ST6GALNAC5: variants seen among roughly 807,000 people sequenced by gnomAD.
ST6GALNAC5 encodes ST6 N-acetylgalactosaminide alpha-2,6-sialyltransferase 5, also known as alpha-N-acetylgalactosaminide alpha-2,6-sialyltransferase 5.
A neutral mutation model predicts 33.6 loss-of-function variants in ST6GALNAC5; 27 were observed. That is an observed-to-expected ratio of 0.80 (90% CI 0.59 to 1.11). ST6GALNAC5 has a LOEUF of 1.11. Ranked by LOEUF, ST6GALNAC5 falls within the 50% of genes least tolerant of loss-of-function variation. ST6GALNAC5 has a pLI of 0.00. For missense variants in ST6GALNAC5, 428 were observed against 454.0 expected (o/e 0.94, Z 0.52); for synonymous variants, 194 against 171.2 (o/e 1.13, Z -1.04).
chr1:76,899,526 C>T lies in ST6GALNAC5; in HGVS notation c.261+30784C>T, dbSNP rs577439294. 2.0e-5 allele frequency among the ~76,000 whole-genome samples: 3 copies of T among 152,228 alleles called. No homozygotes were observed. In the East Asian group the frequency reaches 5.8e-4, roughly 30 times the overall value. ...TCCCCCAGAAAAGCGGGACTTGCCG[C>T]TAAGGGTGAAGGACCAAGGCAGGCG... On this transcript the variant is annotated intron_variant, in intron 2 of 4. Coordinates refer to ENST00000477717, the MANE Select transcript of ST6GALNAC5 (RefSeq NM_030965.3).
rs553930712 is a variant in ST6GALNAC5 at position 76,868,688 on chromosome 1, G to T, written c.207G>T (p.Gly69=). Residue 69 remains glycine, a synonymous_variant, in exon 2 of 5, where the codon GGG becomes GGT. Coordinates refer to ENST00000477717, the MANE Select transcript of ST6GALNAC5 (RefSeq NM_030965.3). The surrounding 1 kb of genome is among the most constrained non-coding windows in gnomAD (Gnocchi z 4.3). The part of the protein sequence containing the change: ...AAESSTQQRP[G]VPAGPRPLDG... Reference sequence around the variant, plus strand: ...AGAGCAGCACCCAGCAGCGCCCCGGGGTCCCCGCGGGACCGCGGCCACTGG... The same window carrying T: ...AGAGCAGCACCCAGCAGCGCCCCGGTGTCCCCGCGGGACCGCGGCCACTGG... 6.4e-7 allele frequency: 1 copy of T among 1,551,132 alleles called. No homozygotes were observed. The highest frequency in any genetic ancestry group is 1.2e-5 in the South Asian group (1 of 85,062).
intron 2 of ST6GALNAC5, among the ~76,000 whole-genome samples, chr1:76,918,834 G>A (rs1187221424): frequency 1.3e-5 from 2 of 152,046 alleles, no homozygotes; most frequent in East Asian, 3.9e-4. Context: ...GGGGTTTATT[G>A]AAATAAAGTG....
chr1:76,998,929 A>G (rs868399514), intron 2 of ST6GALNAC5, among the ~76,000 whole-genome samples: 15 of 152,300 alleles, frequency 9.8e-5, no homozygotes, highest in African/African-American at 3.6e-4. Flanking sequence ...TCATACCTGG[A>G]ATAGAAATTA....
intron 2 of ST6GALNAC5, among the ~76,000 whole-genome samples, chr1:77,038,039 G>T (rs956657858): frequency 1.3e-5 from 2 of 152,200 alleles, no homozygotes; most frequent in African/African-American, 2.4e-5. Flanking sequence ...AAGCAACTTT[G>T]CTTCAAATTA....
intron 2 of ST6GALNAC5, among the ~76,000 whole-genome samples, chr1:77,017,509 C>A (rs894447032): frequency 6.6e-6 from 1 of 152,180 alleles, no homozygotes; most frequent in Non-Finnish European, 1.5e-5. Context: ...CTCCGCTCTG[C>A]ATGACTGTCA....
intron 2 of ST6GALNAC5, among the ~76,000 whole-genome samples, chr1:76,999,760 G>C (rs894212032): frequency 1.4e-5 from 2 of 146,028 alleles, no homozygotes; most frequent in Non-Finnish European, 3.0e-5. Context: ...TTGTTCTTGC[G>C]ATAGTTTACT....
chr1:76,940,478 C>T (rs920292276), intron 2 of ST6GALNAC5, among the ~76,000 whole-genome samples: 1 of 152,046 alleles, frequency 6.6e-6, no homozygotes, highest in Non-Finnish European at 1.5e-5. Context: ...CAAGCACATA[C>T]ATGTTAGTGT....
At position 77,044,490 on chromosome 1, in the gene ST6GALNAC5, G is replaced by T; in HGVS notation, c.548G>T (p.Gly183Val). The change falls in exon 3 of 5, where the codon GGC becomes GTC. Residue 183 changes from glycine to valine, a missense_variant. Gly to Val is a moderately radical substitution (Grantham distance 109). Coordinates refer to ENST00000477717, the MANE Select transcript of ST6GALNAC5 (RefSeq NM_030965.3). ...AGCTACATGCGGCGGGACGGCAAGG[G>T]CCAGGTCTACAACAACCTGCATCTC... Reference protein sequence around the residue: ...PSSYMRRDGKGQVYNNLHLLS... With the variant: ...PSSYMRRDGKVQVYNNLHLLS... The T allele has an allele frequency of 1.2e-6, 2 of 1,613,320 alleles. No homozygotes were observed. The highest frequency in any genetic ancestry group is 1.1e-5 in the South Asian group (1 of 90,970).
intron 2 of ST6GALNAC5, among the ~76,000 whole-genome samples, chr1:77,041,856 C>T (rs1172664864): frequency 6.6e-6 from 1 of 152,198 alleles, no homozygotes; most frequent in Non-Finnish European, 1.5e-5. Flanking sequence ...ATCCACTGAG[C>T]CCAGTGCCCT....
At chr1:76,901,333 T>G (rs1294880703) in intron 2 of ST6GALNAC5, among the ~76,000 whole-genome samples, 1 of 152,158 alleles carries the variant, frequency 6.6e-6, no homozygotes, top group African/African-American at 2.4e-5. Context: ...AAAGGGAGCA[T>G]GGTTACTCCT....
chr1:76,969,591 G>C (rs1362208262), intron 2 of ST6GALNAC5, among the ~76,000 whole-genome samples: 1 of 152,190 alleles, frequency 6.6e-6, no homozygotes, highest in Non-Finnish European at 1.5e-5. Flanking sequence ...TCCACCTATG[G>C]GGGCAGGGCA....
At chr1:77,058,659 C>A (rs1030107424) in intron 4 of ST6GALNAC5, among the ~76,000 whole-genome samples, 2 of 152,212 alleles carry the variant, frequency 1.3e-5, no homozygotes, top group African/African-American at 2.4e-5. Flanking sequence ...ATTACCCAGA[C>A]TTGGGTATTC....
intron 2 of ST6GALNAC5, among the ~76,000 whole-genome samples, chr1:76,948,246 C>A (rs970577979): frequency 6.6e-6 from 1 of 152,136 alleles, no homozygotes; most frequent in Non-Finnish European, 1.5e-5. Context: ...TGATCCCAAC[C>A]TAAGGCAAGG....
chr1:76,869,170 C>T (rs552423206), intron 2 of ST6GALNAC5: 62 of 185,996 alleles, frequency 3.3e-4, no homozygotes, highest in African/African-American at 1.4e-3. Flanking sequence ...GCAGCCAGCC[C>T]GCGGCCACTG....
At chr1:77,025,270 C>T (rs901548144) in intron 2 of ST6GALNAC5, among the ~76,000 whole-genome samples, 1 of 152,158 alleles carries the variant, frequency 6.6e-6, no homozygotes, top group African/African-American at 2.4e-5. Context: ...CGTGTGCTCA[C>T]GCTTGTAATT....
chr1:77,042,272 G>T (rs1008345579), intron 2 of ST6GALNAC5, among the ~76,000 whole-genome samples: 13 of 152,152 alleles, frequency 8.5e-5, no homozygotes, highest in African/African-American at 2.7e-4. Flanking sequence ...TGTGCCCCCA[G>T]CTTTGCTGTG....
chr1:76,892,659 A>T (rs182315625), intron 2 of ST6GALNAC5, among the ~76,000 whole-genome samples: 1 of 152,360 alleles, frequency 6.6e-6, no homozygotes, highest in Non-Finnish European at 1.5e-5. Flanking sequence ...ACAACTGCAT[A>T]TGTTTGAAAA....
chr1:76,902,736 T>C (rs145487154), intron 2 of ST6GALNAC5, among the ~76,000 whole-genome samples: 1 of 152,298 alleles, frequency 6.6e-6, no homozygotes, highest in East Asian at 1.9e-4. Flanking sequence ...AATAAATCTA[T>C]ATGTCTTTGG....
chr1:77,010,069 G>C (rs886671196), intron 2 of ST6GALNAC5, among the ~76,000 whole-genome samples: 6 of 152,172 alleles, frequency 3.9e-5, no homozygotes, highest in African/African-American at 1.4e-4. Flanking sequence ...TTTGTGTCCA[G>C]AGAACTTTCC....
Sources: allele counts gnomAD v4.1 joint callset (sites outside exome capture counted in the v4.1 genomes callset), GRCh38; gene constraint gnomAD v4.1.1; non-coding constraint Gnocchi (gnomAD v3.1); transcripts MANE v1.5; gene names NCBI Gene and HGNC (gene_info 2026-07-23, HGNC 2026-07-21).